Variants in CEP120 observed in about 807,000 individuals in gnomAD.
CEP120 encodes the protein centrosomal protein 120.
A neutral mutation model predicts 126.5 loss-of-function variants in CEP120; 113 were observed. That is an observed-to-expected ratio of 0.89 (90% CI 0.77 to 1.04). The LOEUF is 1.04. Among genes scored for constraint, CEP120 ranks in the 50% least tolerant of loss-of-function variants. The pLI, the probability that CEP120 is intolerant of heterozygous loss-of-function variation, is 0.00. For synonymous variants in CEP120, 400 were observed against 394.3 expected (o/e 1.01, Z -0.17); for missense variants, 1,230 against 1,155.7 (o/e 1.06, Z -0.93).
chr5:123,370,130 T>G (rs767593372), intron 17 of CEP120, among the ~76,000 whole-genome samples: 5 of 152,016 alleles, frequency 3.3e-5, no homozygotes, highest in Non-Finnish European at 7.4e-5. Context: ...ATAGGTAATA[T>G]GAAAATAGCT....
At chr5:123,422,051 T>C (rs1405285341) in intron 1 of CEP120, among the ~76,000 whole-genome samples, 1 of 152,194 alleles carries the variant, frequency 6.6e-6, no homozygotes, top group Non-Finnish European at 1.5e-5. Context: ...TCACCTGTTA[T>C]CTCCTATGCC....
At chr5:123,376,316 G>A (rs1246213090) in intron 16 of CEP120, among the ~76,000 whole-genome samples, 1 of 152,030 alleles carries the variant, frequency 6.6e-6, no homozygotes, top group African/African-American at 2.4e-5. Context: ...CCCAGATAAT[G>A]CAGCAAACAT....
Position 123,372,682 on chromosome 5 carries a change from G to T in CEP120, c.2449C>A (p.Gln817Lys), listed in dbSNP as rs1228099402. 1 of 1,612,038 alleles carries T rather than the reference G, an allele frequency of 6.2e-7. No homozygotes were observed. Among genetic ancestry groups the T allele is most frequent in the East Asian group, 2.2e-5 (1 of 44,744 alleles). Residue 817 changes from glutamine to lysine, a missense_variant, in exon 17 of 20, where the codon CAG (glutamine) becomes AAG (lysine). Physicochemically the swap from Gln to Lys is moderately conservative, Grantham distance 53 (BLOSUM62 1). Transcript: ENST00000306467. ...AAGGTGAGAAGATTTATTTCAGACT[G>T]TAGACGGATTTCTGGTTTGTTGTTT... Reference protein sequence around the residue: ...QQNNKPEIRLQSEINLLTLEK... With the variant: ...QQNNKPEIRLKSEINLLTLEK...
intron 18 of CEP120, among the ~76,000 whole-genome samples, chr5:123,360,132 A>C (rs1769966458): frequency 1.8e-5 from 2 of 108,688 alleles, no homozygotes; most frequent in Non-Finnish European, 4.8e-5. Flanking sequence ...GAAGTTGCAC[A>C]AACAATCTTC....
At chr5:123,411,498 A>G (rs1774058090) in intron 4 of CEP120, among the ~76,000 whole-genome samples, 1 of 152,228 alleles carries the variant, frequency 6.6e-6, no homozygotes, top group Non-Finnish European at 1.5e-5. Flanking sequence ...ACAATTGACT[A>G]TAAGCACTCA....
chr5:123,391,142 C>A lies in CEP120; in HGVS notation c.1006G>T (p.Val336Leu). The A allele has an allele frequency of 6.2e-7, 1 of 1,614,152 alleles. No homozygotes were observed. Among genetic ancestry groups the A allele is most frequent in the Non-Finnish European group, 8.5e-7 (1 of 1,179,986 alleles). ...TCTATGCCTTCTCTCTGCAGAGCCA[C>A]AGACACTCCCACAGTTGGGGCTAGC... ...VELAPTVGVSVALQREGIDSQ... is the reference protein window; with the variant it reads ...VELAPTVGVSLALQREGIDSQ... Residue 336 changes from valine to leucine, a missense_variant, in exon 7 of 20, where the codon GTG becomes TTG. Coordinates refer to ENST00000306467, the MANE Select transcript of CEP120 (RefSeq NM_001375405.1).
Position 123,364,542 on chromosome 5 carries a change from T to C in CEP120, c.2534A>G (p.Lys845Arg). 1.2e-6 allele frequency: 2 copies of C among 1,607,466 alleles called. No homozygotes were observed. The highest frequency in any genetic ancestry group is 8.5e-7 in the Non-Finnish European group (1 of 1,175,630). ...TTTCAAAGCTCGTCCCCACTGCTGC[T>C]TGTAATGCAGTTTAGACTTAGTTGC... ...ESATKSKLHY[K>R]QQWGRALKEL... is the part of the protein sequence containing the mutation. The change falls in exon 18 of 20, where the codon AAG (lysine) becomes AGG (arginine). Residue 845 changes from lysine (K) to arginine (R), a missense_variant. Lys to Arg is a conservative substitution (Grantham distance 26, BLOSUM62 2). Transcript: ENST00000306467.
chr5:123,350,011 C>G lies in CEP120; in HGVS notation c.2659G>C (p.Ala887Pro). 2 of 1,613,652 alleles carry G rather than the reference C, an allele frequency of 1.2e-6. No individual in the cohort carries two copies. Among genetic ancestry groups the G allele is most frequent in the Non-Finnish European group, 1.7e-6 (2 of 1,179,808 alleles). Residue 887 changes from alanine (A) to proline (P), a missense_variant, in exon 19 of 20, where the codon GCT becomes CCT. Physicochemically the swap from Ala to Pro is conservative, Grantham distance 27. Coordinates refer to ENST00000306467, the MANE Select transcript of CEP120 (RefSeq NM_001375405.1). ...GTTTTTACTGTATCTTTTTCCTCAG[C>G]GGCAAGGTAACGTAGTCTCATCTGT... ...LEQMRLRYLA[A>P]EEKDTVKTER...
rs141449662 is a variant in CEP120, at chr5:123,419,235, C to T, written c.50-720G>A. On this transcript the variant is annotated intron_variant, in intron 1 of 19. Transcript: ENST00000306467. ...GAATTAAACACTTAATGTGATTACA[C>T]GAATTTTAGGTACTACTATTGCACT... Among the ~76,000 whole-genome samples the T allele has an allele frequency of 6.0e-3, 918 of 152,252 alleles. 4 individuals are homozygous for T. Among genetic ancestry groups the T allele is most frequent in the Non-Finnish European group, 9.1e-3 (620 of 68,018 alleles).
Position 123,382,773 on chromosome 5 carries a change from C to T in CEP120, c.1977G>A (p.Met659Ile). The T allele has an allele frequency of 6.2e-7, 1 of 1,612,740 alleles. No homozygotes were observed. Among genetic ancestry groups the T allele is most frequent in the Non-Finnish European group, 8.5e-7 (1 of 1,179,440 alleles). The change falls in exon 13 of 20, where the codon ATG (methionine) becomes ATA (isoleucine). Residue 659 changes from methionine to isoleucine, a missense_variant. Met to Ile is a conservative substitution (Grantham distance 10). Coordinates refer to ENST00000306467, the MANE Select transcript of CEP120 (RefSeq NM_001375405.1). ...ATATATCTTCTTGCATCTCCTTCCA[C>T]ATTTCTAGCTCAAGTGCTGCTTTGT... ...LEYKAALELEMWKEMQEDIFE... is the reference protein window; with the variant it reads ...LEYKAALELEIWKEMQEDIFE...
rs6595440 is a variant in CEP120, at chr5:123,383,042, G to A, written c.1804C>T (p.Leu602=). 1.4e-5 allele frequency: 22 copies of A among 1,569,892 alleles called. No individual in the cohort carries two copies. The highest frequency in any genetic ancestry group is 1.8e-5 in the Non-Finnish European group (21 of 1,142,160). Residue 602 remains leucine (L), a synonymous_variant, in exon 12 of 20, where the codon CTA becomes TTA. Coordinates refer to ENST00000306467, the MANE Select transcript of CEP120 (RefSeq NM_001375405.1). Reference sequence around the variant, plus strand: ...ATTTTTACTAGTCCATAATCTTCTAGAGTCACTGTGTAAGAAAGATCTGCT... The same window carrying A: ...ATTTTTACTAGTCCATAATCTTCTAAAGTCACTGTGTAAGAAAGATCTGCT... ...RIADLSYTVT[L]EDYGLVKMRE...
chr5:123,377,475 C>T lies in CEP120; in HGVS notation c.2257G>A (p.Asp753Asn), dbSNP rs961591953. 1.2e-5 allele frequency: 20 copies of T among 1,605,884 alleles called. No homozygotes were observed. The highest frequency in any genetic ancestry group is 1.7e-5 in the Non-Finnish European group (20 of 1,178,182). The change falls in exon 16 of 20, where the codon GAC becomes AAC. Residue 753 changes from aspartate to asparagine, a missense_variant. Transcript: ENST00000306467. ...TCCTCTTTGGCCCTACGGATAGAGT[C>T]CTGCAGTTCTTGCAGGTTCCGCTGA... ...ERQRNLQELQDSIRRAKEDCI... is the reference protein window; with the variant it reads ...ERQRNLQELQNSIRRAKEDCI...
intron 18 of CEP120, 61 bp downstream of exon 18, chr5:123,364,435 T>C (rs902785916): frequency 2.7e-6 from 3 of 1,104,818 alleles, no homozygotes; most frequent in Non-Finnish European, 4.0e-6. Flanking sequence ...TTGCCAAACA[T>C]ACGAATTTGC....
chr5:123,368,587 C>T lies in CEP120; in HGVS notation c.2482-3993G>A, dbSNP rs545203752. Among the ~76,000 whole-genome samples, 13 of 151,994 alleles carry T rather than the reference C, an allele frequency of 8.6e-5. No individual in the cohort carries two copies. In the South Asian group the frequency reaches 2.1e-3, roughly 24 times the overall value. On this transcript the variant is annotated intron_variant, in intron 17 of 19. Coordinates refer to ENST00000306467, the MANE Select transcript of CEP120 (RefSeq NM_001375405.1). ...CCCCAAGATAGCTTGGCAGTTAACA[C>T]GCTACAGAAACATTTACTGAGTTCA...
chr5:123,370,387 A>G (rs1351663639), intron 17 of CEP120, among the ~76,000 whole-genome samples: 1 of 151,970 alleles, frequency 6.6e-6, no homozygotes, highest in African/African-American at 2.4e-5. Flanking sequence ...ACCAGACACT[A>G]CTTCTCTCAA....
At chr5:123,380,272 G>C (rs1267488874) in intron 14 of CEP120, among the ~76,000 whole-genome samples, 1 of 151,986 alleles carries the variant, frequency 6.6e-6, no homozygotes, top group East Asian at 1.9e-4. Context: ...AAGAAAAACT[G>C]ATCCCATGCA....
intron 4 of CEP120, among the ~76,000 whole-genome samples, chr5:123,411,856 G>A (rs1774079814): frequency 1.3e-5 from 2 of 152,208 alleles, no homozygotes. Context: ...GGGTGACACT[G>A]ATATGAATGA....
chr5:123,360,891 A>AT (rs1770030339), intron 18 of CEP120, among the ~76,000 whole-genome samples: 1 of 151,036 alleles, frequency 6.6e-6, no homozygotes, highest in African/African-American at 2.5e-5. Context: ...TACTTATATT[A>AT]TTTTTTTGAA....
At chr5:123,368,813 C>G (rs990254498) in intron 17 of CEP120, among the ~76,000 whole-genome samples, 6 of 151,914 alleles carry the variant, frequency 3.9e-5, no homozygotes, top group African/African-American at 1.4e-4. Flanking sequence ...TGTATAATAT[C>G]ACAACAGAGT....
Sources: allele counts gnomAD v4.1 joint callset (sites outside exome capture counted in the v4.1 genomes callset), GRCh38; gene constraint gnomAD v4.1.1; transcripts MANE v1.5; gene names NCBI Gene and HGNC (gene_info 2026-07-23, HGNC 2026-07-21).